The following CACNG3 variants were observed in gnomAD, a reference collection of about 807,000 sequenced individuals.
CACNG3 encodes the protein calcium voltage-gated channel auxiliary subunit gamma 3, also known as voltage-dependent calcium channel gamma-3 subunit.
CACNG3 carries 3 observed loss-of-function variants against 28.5 expected under a neutral mutation model. The observed-to-expected ratio is 0.11, with a 90% CI of 0.05 to 0.27. The LOEUF (loss-of-function observed/expected upper bound fraction) is 0.27, where lower values mean the gene tolerates loss of function less well. Ranked by LOEUF, CACNG3 falls within the 10% of genes least tolerant of loss-of-function variation. CACNG3 has a pLI of 1.00. For synonymous variants in CACNG3, 174 were observed against 162.2 expected (o/e 1.07, Z -0.55); for missense variants, 236 against 414.4 (o/e 0.57, Z 3.74).
At chr16:24,275,082 G>A (rs77852403) in intron 1 of CACNG3, among the ~76,000 whole-genome samples, 5,173 of 152,098 alleles carry the variant, frequency 0.034, 125 homozygotes, top group Middle Eastern at 0.078. Flanking sequence ...AGATATGGCT[G>A]GGCAACGTGG....
intron 1 of CACNG3, among the ~76,000 whole-genome samples, chr16:24,289,846 C>T (rs530195419): frequency 1.3e-3 from 196 of 152,294 alleles, no homozygotes; most frequent in Non-Finnish European, 2.3e-3. Context: ...GAAGATCAGG[C>T]GAGTTCATCC....
chr16:24,334,957 C>T (rs1021499067), intron 1 of CACNG3, among the ~76,000 whole-genome samples: 1 of 152,156 alleles, frequency 6.6e-6, no homozygotes, highest in Admixed American at 6.5e-5. Context: ...CCATTGGTTT[C>T]CTCTCACCCC....
Position 24,256,401 on chromosome 16 carries a change from G to T in CACNG3, c.-354G>T, listed in dbSNP as rs1287264724. 4 of 278,384 alleles carry T rather than the reference G, an allele frequency of 1.4e-5. No individual in the cohort carries two copies. The highest frequency in any genetic ancestry group is 2.7e-5 in the Non-Finnish European group (4 of 145,684). The allele number at this position is 278,384 out of a possible 1,614,324, so 17.2% of individuals were successfully genotyped here. A position where few individuals can be genotyped will look rare whatever the true frequency, so the allele number is the denominator to read the frequency against. ...CTCCCGGGGCTGTGAGAAGCCAGGC[G>T]CATCTCAAACCGAGCTGGCAGCTCC... On this transcript the variant is annotated 5_prime_UTR_variant, in exon 1 of 4. Coordinates refer to ENST00000005284, the MANE Select transcript of CACNG3 (RefSeq NM_006539.4). The surrounding 1 kb of genome is among the most constrained non-coding windows in gnomAD (Gnocchi z 4.6).
chr16:24,350,847 T>C (rs953018270), intron 2 of CACNG3, among the ~76,000 whole-genome samples: 4 of 152,182 alleles, frequency 2.6e-5, no homozygotes. Context: ...GACTTGCCCC[T>C]AATATTTGCA....
intron 1 of CACNG3, among the ~76,000 whole-genome samples, chr16:24,277,779 CAAAAAAAA>C (rs34379768): frequency 2.0e-5 from 2 of 97,764 alleles, no homozygotes; most frequent in African/African-American, 7.6e-5. Context: ...GACTCCATCT[CAAAAAAAA>C]AAAAAAAAAA....
At chr16:24,297,494 A>G (rs1040968503) in intron 1 of CACNG3, among the ~76,000 whole-genome samples, 21 of 152,216 alleles carry the variant, frequency 1.4e-4, no homozygotes, top group African/African-American at 4.3e-4. Context: ...AGGACTTAGA[A>G]CAAGCTGAAC....
intron 2 of CACNG3, 26 bp downstream of exon 2, chr16:24,346,843 C>G (rs1249907907): frequency 1.3e-6 from 2 of 1,588,406 alleles, no homozygotes; most frequent in African/African-American, 2.7e-5. Context: ...TCTCGGGTCT[C>G]TCTGGGAGGA....
intron 1 of CACNG3, among the ~76,000 whole-genome samples, chr16:24,300,580 G>C (rs1899094620): frequency 6.6e-6 from 1 of 151,170 alleles, no homozygotes; most frequent in Non-Finnish European, 1.5e-5. Context: ...TTGGGACCTT[G>C]GTATCTGAAC....
intron 1 of CACNG3, among the ~76,000 whole-genome samples, chr16:24,257,367 G>GGC (rs1898473831): frequency 9.2e-6 from 1 of 108,516 alleles, no homozygotes; most frequent in Non-Finnish European, 1.8e-5. Context: ...GAAGTGAGGG[G>GGC]GGAGAGAGAG....
intron 1 of CACNG3, among the ~76,000 whole-genome samples, chr16:24,278,732 A>G (rs976063743): frequency 8.5e-5 from 13 of 152,200 alleles, no homozygotes; most frequent in Non-Finnish European, 1.5e-4. Context: ...AACCCTTCAT[A>G]TCTCCATTTC....
intron 1 of CACNG3, among the ~76,000 whole-genome samples, chr16:24,286,056 C>T (rs1898889891): frequency 6.6e-6 from 1 of 152,098 alleles, no homozygotes; most frequent in Non-Finnish European, 1.5e-5. Context: ...GTTTCCCAGG[C>T]TGTTCTTGAA....
intron 1 of CACNG3, among the ~76,000 whole-genome samples, chr16:24,336,238 G>A (rs1210091373): frequency 1.3e-5 from 2 of 150,886 alleles, no homozygotes; most frequent in African/African-American, 2.4e-5. Context: ...AAAAAAGAAA[G>A]AAAGAAAGAA....
Position 24,362,135 on chromosome 16 carries a change from A to G in CACNG3, c.*272A>G, listed in dbSNP as rs1900110550. ...CCTTTCTTCCTTCTTTACTGGAAGG[A>G]CCTCCACATTCTTCCCTCCTTGGAA... is the stretch of plus-strand genomic sequence containing the variant. On this transcript the variant is annotated 3_prime_UTR_variant, in exon 4 of 4. Transcript: ENST00000005284. 8.9e-6 allele frequency: 3 copies of G among 337,566 alleles called. No homozygotes were observed. The highest frequency in any genetic ancestry group is 1.6e-5 in the Non-Finnish European group (3 of 185,740). 20.9% of individuals were successfully genotyped at this position (337,566 alleles called of 1,614,324 possible).
At chr16:24,324,145 C>T (rs1220805817) in intron 1 of CACNG3, among the ~76,000 whole-genome samples, 4 of 152,134 alleles carry the variant, frequency 2.6e-5, no homozygotes, top group Non-Finnish European at 5.9e-5. Flanking sequence ...GTTAGAAAGA[C>T]ACTGCCATCC....
intron 1 of CACNG3, among the ~76,000 whole-genome samples, chr16:24,333,122 A>G (rs1899653979): frequency 6.6e-6 from 1 of 152,198 alleles, no homozygotes; most frequent in African/African-American, 2.4e-5. Context: ...TGTGAAAGTC[A>G]AACTTTATGA....
intron 1 of CACNG3, among the ~76,000 whole-genome samples, chr16:24,323,974 A>C (rs1487151346): frequency 6.6e-6 from 1 of 152,124 alleles, no homozygotes; most frequent in Admixed American, 6.5e-5. Context: ...CACCATGTTG[A>C]CCAGGCTGGT....
chr16:24,312,955 G>GAAAGAAAAAAAGAAAGAGAA (rs376780380), intron 1 of CACNG3, among the ~76,000 whole-genome samples: 1 of 110,806 alleles, frequency 9.0e-6, no homozygotes, highest in Non-Finnish European at 1.8e-5. Context: ...AAGAAAGAAA[G>GAAAGAAAAAAAGAAAGAGAA]AGAAAGAAAG....
chr16:24,279,380 A>G (rs1898791237), intron 1 of CACNG3, among the ~76,000 whole-genome samples: 1 of 152,046 alleles, frequency 6.6e-6, no homozygotes, highest in Non-Finnish European at 1.5e-5. Flanking sequence ...TGCAGCCTTG[A>G]CTTCCTGGGC....
intron 1 of CACNG3, among the ~76,000 whole-genome samples, chr16:24,334,382 T>C (rs1027054646): frequency 1.3e-5 from 2 of 152,170 alleles, no homozygotes; most frequent in Non-Finnish European, 2.9e-5. Flanking sequence ...CAGCCCTCAC[T>C]CTGAGCACAT....
Sources: allele counts gnomAD v4.1 joint callset (sites outside exome capture counted in the v4.1 genomes callset), GRCh38; gene constraint gnomAD v4.1.1; non-coding constraint Gnocchi (gnomAD v3.1); transcripts MANE v1.5; gene names NCBI Gene and HGNC (gene_info 2026-07-23, HGNC 2026-07-21).